The following FLT1 variants were observed in gnomAD, a reference collection of about 807,000 sequenced individuals.
The protein encoded by FLT1 is fms related receptor tyrosine kinase 1, also known as vascular endothelial growth factor receptor 1.
A neutral mutation model predicts 156.3 loss-of-function variants in FLT1; 49 were observed. The ratio of observed to expected loss-of-function variants is 0.31; its 90% CI spans 0.25 to 0.40. The LOEUF is 0.40. Among genes scored for constraint, FLT1 ranks in the 10% least tolerant of loss-of-function variants. The pLI, the probability that FLT1 is intolerant of heterozygous loss-of-function variation, is 1.00. For missense variants in FLT1, 1,322 were observed against 1,637.2 expected (o/e 0.81, Z 3.32); for synonymous variants, 594 against 583.8 (o/e 1.02, Z -0.25).
intron 15 of FLT1, among the ~76,000 whole-genome samples, chr13:28,351,649 C>CTTAAA (rs1872737422): frequency 6.6e-6 from 1 of 152,190 alleles, no homozygotes; most frequent in Admixed American, 6.5e-5. Context: ...GCTGTATTCC[C>CTTAAA]ATTATATTTT....
At chr13:28,303,523 C>T (rs1870609419) in intron 29 of FLT1, among the ~76,000 whole-genome samples, 155 bp from the exon 30 acceptor site, 1 of 143,700 alleles carries the variant, frequency 7.0e-6, no homozygotes, top group Non-Finnish European at 1.5e-5. Flanking sequence ...GTCAGATTTC[C>T]TCTGTTCTAA....
chr13:28,482,852 GAC>G (rs1430583243), intron 1 of FLT1, among the ~76,000 whole-genome samples: 1 of 152,234 alleles, frequency 6.6e-6, no homozygotes, highest in Non-Finnish European at 1.5e-5. Context: ...CCTTCTAAGT[GAC>G]TTTGCGTAGC....
At chr13:28,435,955 A>G (rs1211470433) in intron 4 of FLT1, among the ~76,000 whole-genome samples, 1 of 152,218 alleles carries the variant, frequency 6.6e-6, no homozygotes, top group Non-Finnish European at 1.5e-5. Context: ...ACTGAAATCT[A>G]TGGTACTTTA....
intron 10 of FLT1, among the ~76,000 whole-genome samples, chr13:28,412,726 C>A (rs1055497369): frequency 2.8e-5 from 4 of 141,548 alleles, no homozygotes; most frequent in African/African-American, 8.1e-5. Flanking sequence ...AGGCCCCTCA[C>A]GTTCTTTTTT....
intron 1 of FLT1, among the ~76,000 whole-genome samples, chr13:28,489,886 C>T (rs11616537): frequency 0.056 from 8,466 of 152,258 alleles, 379 homozygotes; most frequent in Admixed American, 0.12. Flanking sequence ...AAGCAGCCAT[C>T]ATTTTGATTC....
intron 14 of FLT1, among the ~76,000 whole-genome samples, chr13:28,374,209 A>C (rs1034528611): frequency 6.6e-6 from 1 of 152,052 alleles, no homozygotes; most frequent in Non-Finnish European, 1.5e-5. Flanking sequence ...GCCACAATTT[A>C]AAAAAATGAG....
At chr13:28,459,273 A>G (rs1174136544) in intron 3 of FLT1, among the ~76,000 whole-genome samples, 1 of 151,944 alleles carries the variant, frequency 6.6e-6, no homozygotes, top group Non-Finnish European at 1.5e-5. Context: ...GGGATGTGAG[A>G]GGAAAAACAG....
chr13:28,343,949 T>A (rs1348521960), intron 16 of FLT1, among the ~76,000 whole-genome samples: 7 of 151,970 alleles, frequency 4.6e-5, no homozygotes, highest in Non-Finnish European at 1.5e-5. Flanking sequence ...GCAGCCACCA[T>A]AATTTCTTAC....
At position 28,334,151 on chromosome 13, in the gene FLT1, G is replaced by C. The variant is rs147906738; in HGVS notation, c.2489-22C>G. The C allele has an allele frequency of 1.9e-4, 296 of 1,528,922 alleles. No individual in the cohort carries two copies. In the East Asian group the frequency reaches 5.8e-3, roughly 30 times the overall value. 94.7% of individuals were successfully genotyped at this position (1,528,922 alleles called of 1,614,324 possible). A position where few individuals can be genotyped will look rare whatever the true frequency, so the allele number is the denominator to read the frequency against. On this transcript the variant is annotated intron_variant, in intron 17 of 29. Coordinates refer to ENST00000282397, the MANE Select transcript of FLT1 (RefSeq NM_002019.4). ...TTGCCTGTAATGAAGAGAAGACACT[G>C]GTTTGTTTGCCGAGGCAATAGGGTG...
intron 10 of FLT1, among the ~76,000 whole-genome samples, chr13:28,420,356 A>T (rs1358643631): frequency 6.6e-6 from 1 of 152,152 alleles, no homozygotes; most frequent in Non-Finnish European, 1.5e-5. Flanking sequence ...TAAAGTCCTC[A>T]TTTTGATTCA....
At chr13:28,494,306 C>T (rs1403792256) in intron 1 of FLT1, among the ~76,000 whole-genome samples, 6 of 152,240 alleles carry the variant, frequency 3.9e-5, no homozygotes, top group African/African-American at 1.4e-4. Flanking sequence ...TCACCAAAGT[C>T]CCGGCCTCAG....
chr13:28,427,846 G>A lies in FLT1; in HGVS notation c.1182C>T (p.Asp394=), dbSNP rs775108754. 17 of 1,613,604 alleles carry A rather than the reference G, an allele frequency of 1.1e-5. 1 individual carries two copies. The highest frequency in any genetic ancestry group is 3.3e-4 in the Middle Eastern group (2 of 6,082). The change falls in exon 9 of 30, where the codon GAC becomes GAT. Residue 394 remains aspartate, a synonymous_variant. Coordinates refer to ENST00000282397, the MANE Select transcript of FLT1 (RefSeq NM_002019.4). ...LTRGYSLIIK[D]VTEEDAGNYT... is the part of the protein sequence containing the mutation. ...AATTCCCTGCATCCTCTTCAGTTAC[G>A]TCCTTGATAATTAACGAGTAGCCAC... is the stretch of plus-strand genomic sequence containing the variant.
At chr13:28,357,918 A>AC (rs1872962557) in intron 14 of FLT1, among the ~76,000 whole-genome samples, 1 of 111,766 alleles carries the variant, frequency 8.9e-6, no homozygotes, top group African/African-American at 3.5e-5. Flanking sequence ...CACCTTCACC[A>AC]CCCAGCAGAG....
chr13:28,361,637 T>G (rs1247871292), intron 14 of FLT1, among the ~76,000 whole-genome samples: 1 of 152,174 alleles, frequency 6.6e-6, no homozygotes, highest in Non-Finnish European at 1.5e-5. Flanking sequence ...TGCTTATTTT[T>G]GTAAGAAAGG....
intron 1 of FLT1, among the ~76,000 whole-genome samples, chr13:28,481,905 A>G (rs1260464773): frequency 3.9e-5 from 6 of 152,246 alleles, no homozygotes; most frequent in Non-Finnish European, 8.8e-5. Flanking sequence ...CACTTATTCA[A>G]TGATAAACAT....
chr13:28,329,783 C>A, intron 18 of FLT1, 55 bp from the exon 19 acceptor site: 1 of 1,434,642 alleles, frequency 7.0e-7, no homozygotes, highest in South Asian at 1.2e-5. Flanking sequence ...CTCCTTCCGC[C>A]GGAGGCGGCA....
intron 1 of FLT1, among the ~76,000 whole-genome samples, chr13:28,477,777 G>A (rs1479918849): frequency 6.6e-6 from 1 of 152,180 alleles, no homozygotes; most frequent in Non-Finnish European, 1.5e-5. Flanking sequence ...GGTCTGAGAG[G>A]AAACTGAGCT....
Position 28,405,877 on chromosome 13 carries a change from T to C in FLT1, c.1454A>G (p.Asn485Ser), listed in dbSNP as rs1397036601. ...HSEARCDFCSNNEESFILDAD... is the reference protein window; with the variant it reads ...HSEARCDFCSSNEESFILDAD... Reference sequence around the variant, plus strand: ...ATCCAGGATAAAGGACTCTTCATTATTGGAACAAAAGTCACACCTATTAAA... The same window carrying C: ...ATCCAGGATAAAGGACTCTTCATTACTGGAACAAAAGTCACACCTATTAAA... Residue 485 changes from asparagine to serine, a missense_variant, in exon 11 of 30, where the codon AAT (asparagine) becomes AGT (serine). Physicochemically the swap from Asn to Ser is conservative, Grantham distance 46. Transcript: ENST00000282397. 23 of 1,603,584 alleles carry C rather than the reference T, an allele frequency of 1.4e-5. No individual in the cohort carries two copies. Among genetic ancestry groups the C allele is most frequent in the Non-Finnish European group, 2.0e-5 (23 of 1,173,072 alleles).
At chr13:28,399,949 G>A (rs910423505) in intron 11 of FLT1, among the ~76,000 whole-genome samples, 1 of 152,190 alleles carries the variant, frequency 6.6e-6, no homozygotes, top group African/African-American at 2.4e-5. Context: ...CCTGTGAGAT[G>A]GGTATATTAC....
Sources: gnomAD v4.1 joint callset for allele counts (sites outside exome capture counted in the v4.1 genomes callset) on GRCh38, gnomAD v4.1.1 for gene constraint, MANE v1.5 for transcripts, NCBI Gene and HGNC (gene_info 2026-07-23, HGNC 2026-07-21) for gene names.